The following YBX3 variants were observed in gnomAD, a reference collection of about 807,000 sequenced individuals.
YBX3 encodes the protein Y-box binding protein 3.
In YBX3, 29 loss-of-function variants were observed where a neutral mutation model predicts 42.4. The observed-to-expected ratio is 0.68, with a 90% CI of 0.51 to 0.93. The LOEUF (loss-of-function observed/expected upper bound fraction) is 0.93. Among genes scored for constraint, YBX3 ranks in the 40% least tolerant of loss-of-function variants. YBX3 has a pLI of 0.00. For synonymous variants in YBX3, 195 were observed against 189.8 expected (o/e 1.03, Z -0.22); for missense variants, 517 against 527.5 (o/e 0.98, Z 0.19).
chr12:10,707,442 A>G (rs1238707637), intron 6 of YBX3, among the ~76,000 whole-genome samples: 1 of 152,182 alleles, frequency 6.6e-6, no homozygotes, highest in Non-Finnish European at 1.5e-5. Context: ...CTCTTCACTC[A>G]ATCCATCATG....
intron 4 of YBX3, among the ~76,000 whole-genome samples, chr12:10,714,755 T>G (rs1328769209): frequency 1.3e-5 from 2 of 152,020 alleles, no homozygotes; most frequent in Admixed American, 6.6e-5. Flanking sequence ...AAAGCAGTTT[T>G]TCTTTTCTTT....
intron 2 of YBX3, among the ~76,000 whole-genome samples, chr12:10,718,683 T>C (rs765213769): frequency 2.2e-4 from 34 of 152,344 alleles, no homozygotes; most frequent in South Asian, 8.3e-4. Context: ...AGTTTCTACA[T>C]AGGACTGGAC....
chr12:10,703,496 C>T (rs535442099), intron 7 of YBX3: 3 of 366,552 alleles, frequency 8.2e-6, no homozygotes, highest in Non-Finnish European at 1.6e-5. Context: ...TCAGGTACCA[C>T]ACTAATTATC....
intron 7 of YBX3, chr12:10,703,721 C>G (rs886932955): frequency 6.3e-6 from 2 of 317,438 alleles, no homozygotes; most frequent in African/African-American, 4.3e-5. Context: ...CAAATATCCT[C>G]TGACACTCAA....
Position 10,717,972 on chromosome 12 carries a change from CAGAA to C in YBX3, c.360+112_360+115del, listed in dbSNP as rs1948281425. The C allele has an allele frequency of 4.8e-6, 4 of 838,356 alleles. No homozygotes were observed. In the East Asian group the frequency reaches 1.1e-4, roughly 24 times the overall value. 51.9% of individuals were successfully genotyped at this position (838,356 alleles called of 1,614,324 possible). On this transcript the variant is annotated intron_variant, in intron 3 of 9. Coordinates refer to ENST00000228251, the MANE Select transcript of YBX3 (RefSeq NM_003651.5). ...TGAACTCCTGTTGCAAAATAAATCA[CAGAA>C]AGAGTTTAGATTAAAATAATAATCC...
At chr12:10,707,745 ATC>A (rs1418420472) in intron 6 of YBX3, among the ~76,000 whole-genome samples, 1 of 152,104 alleles carries the variant, frequency 6.6e-6, no homozygotes, top group African/African-American at 2.4e-5. Context: ...CTCCCCTGAG[ATC>A]TCACCTCATA....
rs375711920 is a variant in YBX3, at chr12:10,716,654, G to C, written c.361-871C>G. On this transcript the variant is annotated intron_variant, in intron 3 of 9. Transcript: ENST00000228251. ...AGGGGCTTGCGTTTCTATGGAACTA[G>C]GTCAACCTTATTTTATAAAGCGATT... Among the ~76,000 whole-genome samples the C allele has an allele frequency of 3.3e-5, 5 of 152,280 alleles. No individual in the cohort carries two copies. The East Asian group carries it at 9.6e-4, about 29-fold the overall frequency.
rs533063116 is a variant in YBX3 at position 10,710,111 on chromosome 12, C to A, written c.577G>T (p.Ala193Ser). The change falls in exon 6 of 10, where the codon GCT becomes TCT. Residue 193 changes from alanine to serine, a missense_variant. Around this residue, in one of 3 missense-constraint regions of YBX3, gnomAD observed 420 missense variants for 408.5 expected, o/e 1.03. Coordinates refer to ENST00000228251, the MANE Select transcript of YBX3 (RefSeq NM_003651.5). The stretch of plus-strand genomic sequence containing the variant: ...CTCCCTTCCTCCTCCTCCTCCCCAG[C>A]GTACTAGCGAAGCAAAGAAACAGAG... The part of the protein sequence containing the change: ...GRRRGPPRNY[A>S]GEEEEEGSGS... 1 of 1,612,870 alleles carries A rather than the reference C, an allele frequency of 6.2e-7. No homozygotes were observed. Among genetic ancestry groups the A allele is most frequent in the African/African-American group, 1.3e-5 (1 of 75,030 alleles).
chr12:10,715,616 T>G, intron 4 of YBX3, 78 bp downstream of exon 4: 1 of 1,294,940 alleles, frequency 7.7e-7, no homozygotes, highest in Non-Finnish European at 1.1e-6. Flanking sequence ...TGTCAATTCA[T>G]AAGGGGCTGA....
Position 10,723,092 on chromosome 12 carries a change from G to GTGA in YBX3, c.19_20insTCA (p.Ala7delinsValThr). ...GAGGGTGGTGGTGGTGGTGGTGGTGGCCTCGCCCGCCTCACTCATGCCTCC... is the reference window on the plus strand; with the variant it reads ...GAGGGTGGTGGTGGTGGTGGTGGTGGTGACCTCGCCCGCCTCACTCATGCCTCC... On this transcript the variant is annotated protein_altering_variant, in exon 1 of 10. Coordinates refer to ENST00000228251, the MANE Select transcript of YBX3 (RefSeq NM_003651.5). 2 of 1,206,320 alleles carry GTGA rather than the reference G, an allele frequency of 1.7e-6. No homozygotes were observed. The highest frequency in any genetic ancestry group is 2.1e-6 in the Non-Finnish European group (2 of 972,620). 74.7% of individuals were successfully genotyped at this position (1,206,320 alleles called of 1,614,324 possible).
In YBX3 at chr12:10,701,298, C is replaced by T. The variant is rs1948075858; in HGVS notation, c.1109G>A (p.Ser370Asn). 2 of 780,862 alleles carry T rather than the reference C, an allele frequency of 2.6e-6. No individual in the cohort carries two copies. Among genetic ancestry groups the T allele is most frequent in the Admixed American group, 3.4e-5 (2 of 59,044 alleles). 48.4% of individuals were successfully genotyped at this position (780,862 alleles called of 1,614,324 possible). ...ENPAPPTQQS[S>N]AE ...CTGAGGAGCCTGGTGTTACTCAGCA[C>T]TGCTCTGCTGGGTGGGTGGAGCAGG... The change falls in exon 9 of 10, where the codon AGT (serine) becomes AAT (asparagine). Residue 370 changes from serine to asparagine, a missense_variant. Around this residue, in one of 3 missense-constraint regions of YBX3, gnomAD observed 420 missense variants for 408.5 expected, o/e 1.03. Transcript: ENST00000228251.
chr12:10,712,353 C>T (rs183799993), intron 5 of YBX3: 11 of 152,286 alleles, frequency 7.2e-5, no homozygotes, highest in Admixed American at 6.5e-4. Flanking sequence ...GTTTTGGGTG[C>T]CTTGAGAATA....
intron 5 of YBX3, chr12:10,711,521 T>C (rs1948199654): frequency 6.6e-6 from 1 of 152,212 alleles, no homozygotes; most frequent in East Asian, 1.9e-4. Flanking sequence ...CAGAAAATGC[T>C]TACCAAAATA....
Position 10,715,761 on chromosome 12 carries a change from G to C in YBX3, c.383C>G (p.Pro128Arg). 1 of 1,613,830 alleles carries C rather than the reference G, an allele frequency of 6.2e-7. No homozygotes were observed. The highest frequency in any genetic ancestry group is 1.3e-5 in the African/African-American group (1 of 74,980). Reference protein sequence around the residue: ...VHQTAIKKNNPRKYLRSVGDG... With the variant: ...VHQTAIKKNNRRKYLRSVGDG... Reference sequence around the variant, plus strand: ...TCCTACACTGCGCAGATATTTCCGTGGGTTATTCTTCTTGATGGCAGTCTG... The same window carrying C: ...TCCTACACTGCGCAGATATTTCCGTCGGTTATTCTTCTTGATGGCAGTCTG... Residue 128 changes from proline (P) to arginine (R), a missense_variant, in exon 4 of 10, where the codon CCA becomes CGA. Coordinates refer to ENST00000228251, the MANE Select transcript of YBX3 (RefSeq NM_003651.5).
chr12:10,704,451 A>T, intron 6 of YBX3: 1 of 220,680 alleles, frequency 4.5e-6, no homozygotes, highest in Non-Finnish European at 8.8e-6. Context: ...TAAATAAAAT[A>T]CTCTTTTATT....
chr12:10,707,281 T>A (rs1948149130), intron 6 of YBX3, among the ~76,000 whole-genome samples: 1 of 152,150 alleles, frequency 6.6e-6, no homozygotes, highest in South Asian at 2.1e-4. Flanking sequence ...ACACCTCCAC[T>A]TGTACGTGAA....
At chr12:10,715,184 T>C (rs1948246278) in intron 4 of YBX3, among the ~76,000 whole-genome samples, 1 of 152,148 alleles carries the variant, frequency 6.6e-6, no homozygotes, top group African/African-American at 2.4e-5. Flanking sequence ...ATAATCAGAG[T>C]TGATCATTTA....
At chr12:10,715,536 C>G (rs955363718) in intron 4 of YBX3, among the ~76,000 whole-genome samples, 158 bp downstream of exon 4, 2 of 150,832 alleles carry the variant, frequency 1.3e-5, no homozygotes, top group Non-Finnish European at 2.9e-5. Context: ...AGAGGGAGAC[C>G]CCATCTTAAA....
intron 7 of YBX3, chr12:10,703,034 C>T (rs1255037925): frequency 3.3e-5 from 5 of 152,188 alleles, no homozygotes; most frequent in Non-Finnish European, 5.9e-5. Flanking sequence ...AGCTGAGCCT[C>T]ACACGCTACT....
Sources: allele counts gnomAD v4.1 joint callset (sites outside exome capture counted in the v4.1 genomes callset), GRCh38; gene constraint gnomAD v4.1.1; regional missense constraint gnomAD v4.1.1; transcripts MANE v1.5; gene names NCBI Gene and HGNC (gene_info 2026-07-23, HGNC 2026-07-21).